DENND5B: variants seen among roughly 807,000 people sequenced by gnomAD.
The protein encoded by DENND5B is DENN domain containing 5B.
Under a neutral mutation model 140.6 loss-of-function variants are expected in DENND5B, and 34 were observed. The ratio of observed to expected loss-of-function variants is 0.24; its 90% CI spans 0.18 to 0.32. The LOEUF (loss-of-function observed/expected upper bound fraction) is 0.32. Ranked by LOEUF, DENND5B falls within the 10% of genes least tolerant of loss-of-function variation. The pLI is 1.00. For synonymous variants in DENND5B, 551 were observed against 562.1 expected (o/e 0.98, Z 0.28); for missense variants, 1,142 against 1,560.2 (o/e 0.73, Z 4.52).
At chr12:31,516,695 T>C (rs1040542670) in intron 1 of DENND5B, among the ~76,000 whole-genome samples, 2 of 152,194 alleles carry the variant, frequency 1.3e-5, no homozygotes, top group African/African-American at 4.8e-5. Flanking sequence ...GAGCTGACCA[T>C]CTGATCTATA....
chr12:31,495,985 AT>A, intron 1 of DENND5B, 66 bp from the exon 2 acceptor site: 1 of 1,135,210 alleles, frequency 8.8e-7, no homozygotes, highest in Non-Finnish European at 1.3e-6. Context: ...TTTTCTATTT[AT>A]TTTATAGTCC....
At chr12:31,476,898 A>T (rs527909626) in intron 3 of DENND5B, among the ~76,000 whole-genome samples, 57 of 152,320 alleles carry the variant, frequency 3.7e-4, no homozygotes, top group African/African-American at 1.3e-3. Context: ...ATTCAAGAAA[A>T]TGGCCTTTAA....
intron 1 of DENND5B, among the ~76,000 whole-genome samples, chr12:31,502,826 G>A (rs1021012422): frequency 6.6e-6 from 1 of 152,218 alleles, no homozygotes; most frequent in African/African-American, 2.4e-5. Flanking sequence ...ACAAAGGGCT[G>A]AGAAAGCTGC....
chr12:31,469,329 T>C (rs923700768), intron 3 of DENND5B, among the ~76,000 whole-genome samples: 18 of 57,074 alleles, frequency 3.2e-4, no homozygotes, highest in African/African-American at 8.1e-4. Flanking sequence ...ACAGACTCCA[T>C]CTCAAAAAAA....
chr12:31,385,766 G>C lies in DENND5B; in HGVS notation c.*1837C>G, dbSNP rs541069200. On this transcript the variant is annotated 3_prime_UTR_variant, in exon 21 of 21. Coordinates refer to ENST00000389082, the MANE Select transcript of DENND5B (RefSeq NM_144973.4). Reference sequence around the variant, plus strand: ...GGCAGTGGCGCGATCTCAGCTTACTGCAAGCTCCGCCTCGCGGGTTCACGC... The same window carrying C: ...GGCAGTGGCGCGATCTCAGCTTACTCCAAGCTCCGCCTCGCGGGTTCACGC... 6.6e-6 allele frequency: 1 copy of C among 152,440 alleles called. No homozygotes were observed. The highest frequency in any genetic ancestry group is 1.9e-4 in the East Asian group (1 of 5,192). 9.4% of individuals were successfully genotyped at this position (152,440 alleles called of 1,614,324 possible).
intron 1 of DENND5B, among the ~76,000 whole-genome samples, chr12:31,575,158 T>C (rs575834661): frequency 1.3e-5 from 2 of 152,262 alleles, no homozygotes; most frequent in Non-Finnish European, 2.9e-5. Context: ...GTTATCTTGT[T>C]ACCCCAGCCA....
intron 1 of DENND5B, among the ~76,000 whole-genome samples, chr12:31,563,473 T>C (rs1949540461): frequency 6.6e-6 from 1 of 152,296 alleles, no homozygotes; most frequent in East Asian, 1.9e-4. Flanking sequence ...AAGAAGATCA[T>C]ACTTTAATTG....
chr12:31,567,406 CT>C (rs1406862796), intron 1 of DENND5B, among the ~76,000 whole-genome samples: 1 of 151,410 alleles, frequency 6.6e-6, no homozygotes, highest in Non-Finnish European at 1.5e-5. Context: ...CCCACCACTA[CT>C]ATTCTAATTC....
At chr12:31,445,352 A>G (rs1473617859) in intron 6 of DENND5B, among the ~76,000 whole-genome samples, 1 of 152,210 alleles carries the variant, frequency 6.6e-6, no homozygotes, top group East Asian at 1.9e-4. Context: ...CAGGCAAGTT[A>G]CTTAACCTCT....
At chr12:31,401,269 TGA>T (rs1941781678) in intron 15 of DENND5B, among the ~76,000 whole-genome samples, 1 of 152,214 alleles carries the variant, frequency 6.6e-6, no homozygotes, top group African/African-American at 2.4e-5. Flanking sequence ...TAGGTAGACA[TGA>T]GAGAGACAGC....
chr12:31,447,529 C>T lies in DENND5B; in HGVS notation c.1861+9G>A, dbSNP rs543745342. 1.3e-5 allele frequency: 20 copies of T among 1,594,810 alleles called. No homozygotes were observed. In the South Asian group the frequency reaches 1.8e-4, roughly 14 times the overall value. On this transcript the variant is annotated intron_variant, in intron 6 of 20. Transcript: ENST00000389082. ...TTTTAATTTAATTTAAAAGGCATGG[C>T]AAATGTACCTGCTTCTTTTAAAGTG...
chr12:31,417,394 G>A (rs1438212303), intron 11 of DENND5B, among the ~76,000 whole-genome samples: 2 of 150,484 alleles, frequency 1.3e-5, no homozygotes, highest in East Asian at 3.9e-4. Context: ...TAAGATTTCG[G>A]ACTCTTCAAT....
At chr12:31,425,412 A>C (rs77784934) in intron 9 of DENND5B, among the ~76,000 whole-genome samples, 3,116 of 152,372 alleles carry the variant, frequency 0.02, 55 homozygotes, top group South Asian at 0.054. Context: ...CCAGCATCTT[A>C]GCATACTAAA....
intron 1 of DENND5B, among the ~76,000 whole-genome samples, chr12:31,549,453 T>C (rs1948966052): frequency 6.6e-6 from 1 of 152,156 alleles, no homozygotes; most frequent in Non-Finnish European, 1.5e-5. Flanking sequence ...TCTAATTTTC[T>C]ATTCTTTAGA....
chr12:31,579,530 G>C (rs111512983), intron 1 of DENND5B, among the ~76,000 whole-genome samples: 1 of 151,998 alleles, frequency 6.6e-6, no homozygotes, highest in Non-Finnish European at 1.5e-5. Context: ...GCTTGGTGGC[G>C]AGTGCCTGTA....
At chr12:31,428,492 C>T (rs1943350557) in intron 8 of DENND5B, among the ~76,000 whole-genome samples, 2 of 151,982 alleles carry the variant, frequency 1.3e-5, no homozygotes, top group South Asian at 4.1e-4. Context: ...ACCTCTGCCT[C>T]CCAGGTGCAA....
chr12:31,511,537 CTTTT>C (rs59147620), intron 1 of DENND5B, among the ~76,000 whole-genome samples: 1 of 114,996 alleles, frequency 8.7e-6, no homozygotes, highest in African/African-American at 3.1e-5. Context: ...AATATGATGT[CTTTT>C]TTTTTTTTTT....
At position 31,576,649 on chromosome 12, in the gene DENND5B, G is replaced by A. The variant is rs1292706078; in HGVS notation, c.127+14057C>T. ...TATAATCCCAGCACTTTTGTAGGAT[G>A]AGGAGGGAGGATTACTTGAAGTCAG... On this transcript the variant is annotated intron_variant, in intron 1 of 20. Transcript: ENST00000389082. Among the ~76,000 whole-genome samples the A allele has an allele frequency of 4.6e-5, 7 of 152,210 alleles. No homozygotes were observed. The East Asian group carries it at 1.2e-3, about 25-fold the overall frequency.
At chr12:31,488,401 A>G (rs1946393939) in intron 2 of DENND5B, among the ~76,000 whole-genome samples, 1 of 152,180 alleles carries the variant, frequency 6.6e-6, no homozygotes, top group Non-Finnish European at 1.5e-5. Context: ...TCATAGCTCA[A>G]CTGCTGTTGA....
Sources: allele counts gnomAD v4.1 joint callset (sites outside exome capture counted in the v4.1 genomes callset), GRCh38; gene constraint gnomAD v4.1.1; transcripts MANE v1.5; gene names NCBI Gene and HGNC (gene_info 2026-07-23, HGNC 2026-07-21).